The following ERGIC2 variants were observed in gnomAD, a reference collection of about 807,000 sequenced individuals.
ERGIC2 encodes ERGIC and golgi 2, also known as endoplasmic reticulum-Golgi intermediate compartment protein 2.
A neutral mutation model predicts 52.5 loss-of-function variants in ERGIC2; 31 were observed. The observed-to-expected ratio is 0.59, with a 90% CI of 0.44 to 0.80. The LOEUF (loss-of-function observed/expected upper bound fraction) is 0.80, where lower values mean the gene tolerates loss of function less well. ERGIC2 is among the 30% of genes least tolerant of loss of function. ERGIC2 has a pLI of 0.00. For missense variants in ERGIC2, 395 were observed against 455.2 expected, an observed-to-expected ratio of 0.87 and a Z score of 1.20; for synonymous variants, 129 against 140.6, an observed-to-expected ratio of 0.92 and a Z score of 0.58.
chr12:29,339,974 C>T lies in ERGIC2; in HGVS notation c.*1182G>A, dbSNP rs1341429255. 2 of 152,112 alleles carry T rather than the reference C, an allele frequency of 1.3e-5. No individual in the cohort carries two copies. Among genetic ancestry groups the T allele is most frequent in the Non-Finnish European group, 2.9e-5 (2 of 67,990 alleles). The allele number at this position is 152,112 out of a possible 1,614,324, so 9.4% of individuals were successfully genotyped here. ...ATTGGTACACATATTCCAAATACAG[C>T]TTTTAATAGTACCTGTGTGATAGCT... On this transcript the variant is annotated 3_prime_UTR_variant, in exon 14 of 14. Transcript: ENST00000360150.
intron 1 of ERGIC2, among the ~76,000 whole-genome samples, chr12:29,371,992 T>C (rs1413176579): frequency 6.6e-6 from 1 of 152,134 alleles, no homozygotes; most frequent in Admixed American, 6.6e-5. Context: ...ATAAAAATAA[T>C]ACACTTCCAA....
chr12:29,348,325 A>C (rs1047270767), intron 10 of ERGIC2, among the ~76,000 whole-genome samples: 1 of 152,080 alleles, frequency 6.6e-6, no homozygotes, highest in Non-Finnish European at 1.5e-5. Context: ...CTAAATCCTT[A>C]ATTACAATTT....
At chr12:29,364,277 G>A (rs1940327596) in intron 5 of ERGIC2, among the ~76,000 whole-genome samples, 1 of 152,040 alleles carries the variant, frequency 6.6e-6, no homozygotes, top group Non-Finnish European at 1.5e-5. Context: ...CCCCTCAACA[G>A]AATGGAGAAT....
chr12:29,341,237 A>G lies in ERGIC2; in HGVS notation c.1072-19T>C, dbSNP rs749017266. 1.1e-5 allele frequency: 17 copies of G among 1,575,318 alleles called. No individual in the cohort carries two copies. The highest frequency in any genetic ancestry group is 1.4e-5 in the Non-Finnish European group (16 of 1,151,002). On this transcript the variant is annotated intron_variant, in intron 13 of 13. Transcript: ENST00000360150. ...AAGGAACCTAAGGAGAAAAGGAGGG[A>G]AAAAAAGACCAAAGAATTAGTTTTA...
chr12:29,360,644 A>C (rs182154863), intron 6 of ERGIC2, among the ~76,000 whole-genome samples: 6 of 148,080 alleles, frequency 4.1e-5, no homozygotes, highest in Non-Finnish European at 7.4e-5. Context: ...AAGAATTATC[A>C]TAATTTTGTA....
rs760860114 is a variant in ERGIC2, at chr12:29,366,888, C to T, written c.322G>A (p.Val108Ile). The change falls in exon 5 of 14, where the codon GTT (valine) becomes ATT (isoleucine). Residue 108 changes from valine (V) to isoleucine (I), a missense_variant. Coordinates refer to ENST00000360150, the MANE Select transcript of ERGIC2 (RefSeq NM_016570.3). Reference sequence around the variant, plus strand: ...TGAATCAAACTTACTGGTTCATAAACTAAACCATCTGCAGATGCAACCATT... The same window carrying T: ...TGAATCAAACTTACTGGTTCATAAATTAAACCATCTGCAGATGCAACCATT... ...ETMVASADGLVYEPTVFDLSP... is the reference protein window; with the variant it reads ...ETMVASADGLIYEPTVFDLSP... The T allele has an allele frequency of 1.2e-6, 2 of 1,600,090 alleles. No homozygotes were observed. Among genetic ancestry groups the T allele is most frequent in the South Asian group, 1.1e-5 (1 of 89,548 alleles).
chr12:29,364,912 A>G (rs1295092729), intron 5 of ERGIC2, among the ~76,000 whole-genome samples: 1 of 151,820 alleles, frequency 6.6e-6, no homozygotes, highest in African/African-American at 2.4e-5. Context: ...AGGCCATCTC[A>G]CACCAGTCAG....
intron 5 of ERGIC2, among the ~76,000 whole-genome samples, chr12:29,362,700 CTGTGAGAGCCTCA>C (rs1940303982): frequency 6.6e-6 from 1 of 152,118 alleles, no homozygotes; most frequent in Admixed American, 6.5e-5. Flanking sequence ...TCTCCGGTAA[CTGTGAGAGCCTCA>C]TGTCTAAGTT....
chr12:29,357,838 G>A (rs2136864963), intron 6 of ERGIC2, 114 bp from the exon 7 acceptor site: 1 of 705,112 alleles, frequency 1.4e-6, no homozygotes, highest in Non-Finnish European at 2.5e-6. Context: ...TATTATTACA[G>A]GATTTCATAT....
rs777630371 is a variant in ERGIC2, at chr12:29,361,705, A to C, written c.334-20T>G. On this transcript the variant is annotated intron_variant, in intron 5 of 13. Transcript: ENST00000360150. Reference sequence around the variant, plus strand: ...TACTGTCTGAAATGAAAGAAAACATAATCACTAGCATTGTCAAATTCTCTT... The same window carrying C: ...TACTGTCTGAAATGAAAGAAAACATCATCACTAGCATTGTCAAATTCTCTT... 1.9e-6 allele frequency: 3 copies of C among 1,591,222 alleles called. No homozygotes were observed. Among genetic ancestry groups the C allele is most frequent in the Admixed American group, 1.7e-5 (1 of 57,604 alleles).
intron 10 of ERGIC2, among the ~76,000 whole-genome samples, chr12:29,345,954 T>TA (rs896091546): frequency 6.6e-6 from 1 of 151,610 alleles, no homozygotes; most frequent in African/African-American, 2.4e-5. Flanking sequence ...CTCAAACAAA[T>TA]AAAAAATAAA....
At chr12:29,371,164 T>C (rs1250628729) in intron 2 of ERGIC2, among the ~76,000 whole-genome samples, 1 of 152,062 alleles carries the variant, frequency 6.6e-6, no homozygotes, top group Non-Finnish European at 1.5e-5. Flanking sequence ...ATTAATAGTA[T>C]AGTAACCCCT....
chr12:29,356,770 T>A (rs1940212068), intron 7 of ERGIC2, among the ~76,000 whole-genome samples: 3 of 151,904 alleles, frequency 2.0e-5, no homozygotes, highest in African/African-American at 7.3e-5. Flanking sequence ...AAATAATTAG[T>A]CCAAAAAGAC....
chr12:29,357,445 T>G (rs1940223718), intron 7 of ERGIC2, among the ~76,000 whole-genome samples, 178 bp downstream of exon 7: 1 of 152,218 alleles, frequency 6.6e-6, no homozygotes, highest in Admixed American at 6.5e-5. Flanking sequence ...TTGTGATAAT[T>G]CTGATCAAAA....
In ERGIC2 at chr12:29,340,896, A is replaced by C; in HGVS notation, c.*260T>G. 2.0e-6 allele frequency: 1 copy of C among 508,070 alleles called. No individual in the cohort carries two copies. The highest frequency in any genetic ancestry group is 3.5e-5 in the Admixed American group (1 of 28,984). The allele number at this position is 508,070 out of a possible 1,614,324, so 31.5% of individuals were successfully genotyped here. A position where few individuals can be genotyped will look rare whatever the true frequency, so the allele number is the denominator to read the frequency against. On this transcript the variant is annotated 3_prime_UTR_variant, in exon 14 of 14. Coordinates refer to ENST00000360150, the MANE Select transcript of ERGIC2 (RefSeq NM_016570.3). ...CACCCATTTGCTATGAAAATATAAG[A>C]AGGCGTCATCTTCAAAGCAACACTC... is the stretch of plus-strand genomic sequence containing the variant.
At chr12:29,353,577 A>G (rs148653489) in intron 8 of ERGIC2, among the ~76,000 whole-genome samples, 1 of 152,162 alleles carries the variant, frequency 6.6e-6, no homozygotes, top group East Asian at 1.9e-4. Flanking sequence ...TCAAATTTGG[A>G]GTATTTTGAA....
chr12:29,376,727 C>G (rs1027114877), intron 1 of ERGIC2, among the ~76,000 whole-genome samples: 3 of 152,186 alleles, frequency 2.0e-5, no homozygotes, highest in African/African-American at 7.2e-5. Flanking sequence ...CATTCCCACT[C>G]TATTTGCCTC....
intron 1 of ERGIC2, chr12:29,380,528 G>A (rs1940573604): frequency 6.6e-6 from 1 of 152,162 alleles, no homozygotes; most frequent in Non-Finnish European, 1.5e-5. Context: ...TTGACACGTT[G>A]CCTTCGGAAG....
At chr12:29,342,509 G>T (rs1233749700) in intron 12 of ERGIC2, among the ~76,000 whole-genome samples, 2 of 152,162 alleles carry the variant, frequency 1.3e-5, no homozygotes, top group African/African-American at 4.8e-5. Context: ...AAGGACTGAA[G>T]ATGAAAATAG....
Sources: gnomAD v4.1 joint callset for allele counts (sites outside exome capture counted in the v4.1 genomes callset) on GRCh38, gnomAD v4.1.1 for gene constraint, MANE v1.5 for transcripts, NCBI Gene and HGNC (gene_info 2026-07-23, HGNC 2026-07-21) for gene names.